The following GTF2F2 variants were observed in gnomAD, a reference collection of about 807,000 sequenced individuals.
The protein encoded by GTF2F2 is ATP-dependent helicase GTF2F2.
In GTF2F2, 23 loss-of-function variants were observed where a neutral mutation model predicts 42.2. The ratio of observed to expected loss-of-function variants is 0.55; its 90% CI spans 0.39 to 0.77. The LOEUF is 0.77. Ranked by LOEUF, GTF2F2 falls within the 30% of genes least tolerant of loss-of-function variation. The probability of loss-of-function intolerance (pLI) is 0.00; values close to 1 mark genes in which losing one functional copy is unlikely to be tolerated. For missense variants in GTF2F2, 261 were observed against 287.2 expected, an observed-to-expected ratio of 0.91 and a Z score of 0.66; for synonymous variants, 105 against 100.8, an observed-to-expected ratio of 1.04 and a Z score of -0.25.
At chr13:45,275,391 G>C (rs182884059) in intron 7 of GTF2F2, among the ~76,000 whole-genome samples, 1 of 151,794 alleles carries the variant, frequency 6.6e-6, no homozygotes, top group Non-Finnish European at 1.5e-5. Flanking sequence ...CCATGTTGTT[G>C]TGCTGCACCC....
At chr13:45,243,434 A>G (rs545124009) in intron 5 of GTF2F2, among the ~76,000 whole-genome samples, 2 of 152,164 alleles carry the variant, frequency 1.3e-5, no homozygotes, top group Non-Finnish European at 2.9e-5. Flanking sequence ...GAATCTAACT[A>G]ATGCCTGATG....
intron 5 of GTF2F2, among the ~76,000 whole-genome samples, chr13:45,244,164 G>T (rs1459379254): frequency 6.6e-6 from 1 of 152,256 alleles, no homozygotes; most frequent in South Asian, 2.1e-4. Flanking sequence ...TTCTGTGTGT[G>T]TATAGAATTG....
intron 6 of GTF2F2, among the ~76,000 whole-genome samples, chr13:45,259,180 A>G (rs1876227969): frequency 1.3e-5 from 2 of 152,156 alleles, no homozygotes; most frequent in African/African-American, 4.8e-5. Context: ...TAATCCCAGC[A>G]CTTTGGGAGG....
At chr13:45,215,934 G>A (rs942673418) in intron 5 of GTF2F2, among the ~76,000 whole-genome samples, 3 of 152,060 alleles carry the variant, frequency 2.0e-5, no homozygotes, top group Admixed American at 6.6e-5. Context: ...CTTCCAAATG[G>A]TTGTAAAAGC....
At chr13:45,250,688 G>A (rs558978159) in intron 5 of GTF2F2, among the ~76,000 whole-genome samples, 5 of 152,228 alleles carry the variant, frequency 3.3e-5, no homozygotes, top group African/African-American at 1.2e-4. Context: ...AAGGAGAACT[G>A]GAGAGATACG....
At chr13:45,140,666 T>C (rs1263782793) in intron 2 of GTF2F2, among the ~76,000 whole-genome samples, 2 of 152,226 alleles carry the variant, frequency 1.3e-5, no homozygotes, top group African/African-American at 4.8e-5. Flanking sequence ...AGAAAAATAA[T>C]ATTGAAATGT....
intron 2 of GTF2F2, among the ~76,000 whole-genome samples, chr13:45,139,905 A>G (rs1209433185): frequency 2.6e-5 from 4 of 152,216 alleles, no homozygotes; most frequent in African/African-American, 9.6e-5. Flanking sequence ...AAAATCTACC[A>G]TGCTCAAGTC....
In GTF2F2 at chr13:45,220,407, A is replaced by G. The variant is rs1462282661; in HGVS notation, c.386+12902A>G. Among the ~76,000 whole-genome samples, 10 of 152,324 alleles carry G rather than the reference A, an allele frequency of 6.6e-5. 1 individual carries two copies. The highest frequency in any genetic ancestry group is 2.2e-4 in the African/African-American group (9 of 41,578). On this transcript the variant is annotated intron_variant, in intron 5 of 7. Transcript: ENST00000340473. ...TTGATCATACTAATTTAATGTAACT[A>G]ATAATTTAGGGTATTATTTTATGCT...
At chr13:45,192,900 A>G (rs1014611546) in intron 4 of GTF2F2, 1 of 152,196 alleles carries the variant, frequency 6.6e-6, no homozygotes, top group African/African-American at 2.4e-5. Flanking sequence ...TACTCTATTG[A>G]GACTAAGTTA....
At position 45,207,495 on chromosome 13, in the gene GTF2F2, C is replaced by A; in HGVS notation, c.376C>A (p.Arg126=). Residue 126 remains arginine, a synonymous_variant, in exon 5 of 8, where the codon CGA becomes AGA. Transcript: ENST00000340473. ...CRPAASENYM[R]LKRLQIEESS... is the part of the protein sequence containing the mutation. ...ACCAGCTGCCAGTGAAAACTACATGCGATTAAAAAGGTTGGTGTTTTGTAA... is the reference window on the plus strand; with the variant it reads ...ACCAGCTGCCAGTGAAAACTACATGAGATTAAAAAGGTTGGTGTTTTGTAA... 6.2e-7 allele frequency: 1 copy of A among 1,602,728 alleles called. No homozygotes were observed. The highest frequency in any genetic ancestry group is 1.7e-5 in the Admixed American group (1 of 59,944).
At position 45,193,969 on chromosome 13, in the gene GTF2F2, A is replaced by G. The variant is rs769543508; in HGVS notation, c.305-13455A>G. ...AAGTCGAGTGCCATTTTCAGACTTT[A>G]TGAAGTATTTAAATTGGATGATATT... On this transcript the variant is annotated intron_variant, in intron 4 of 7. Coordinates refer to ENST00000340473, the MANE Select transcript of GTF2F2 (RefSeq NM_004128.3). 1.9e-6 allele frequency: 3 copies of G among 1,614,116 alleles called. No homozygotes were observed. The South Asian group carries it at 3.3e-5, about 18-fold the overall frequency.
chr13:45,169,744 A>T (rs1871499181), intron 4 of GTF2F2, among the ~76,000 whole-genome samples: 1 of 152,238 alleles, frequency 6.6e-6, no homozygotes, highest in South Asian at 2.1e-4. Flanking sequence ...TAACAAAAGA[A>T]CATCGTCAGC....
At chr13:45,194,006 A>G in intron 4 of GTF2F2, 1 of 1,614,096 alleles carries the variant, frequency 6.2e-7, no homozygotes, top group Non-Finnish European at 8.5e-7. Flanking sequence ...GACGATATTG[A>G]AAACTCCTCT....
chr13:45,134,583 G>A (rs138561813), intron 1 of GTF2F2, among the ~76,000 whole-genome samples: 3 of 152,252 alleles, frequency 2.0e-5, no homozygotes, highest in Non-Finnish European at 4.4e-5. Flanking sequence ...GACCGAATGG[G>A]TAGGTACAGT....
chr13:45,257,087 A>T (rs1876135013), intron 6 of GTF2F2, among the ~76,000 whole-genome samples: 1 of 152,210 alleles, frequency 6.6e-6, no homozygotes, highest in South Asian at 2.1e-4. Flanking sequence ...GTATATATGT[A>T]AAGAAAATAT....
chr13:45,245,744 C>T (rs1413175271), intron 5 of GTF2F2, among the ~76,000 whole-genome samples: 3 of 146,040 alleles, frequency 2.1e-5, no homozygotes, highest in Non-Finnish European at 4.5e-5. Flanking sequence ...TGTTTATCCA[C>T]TCTTTTTTGT....
At chr13:45,201,764 G>A (rs1873196579) in intron 4 of GTF2F2, among the ~76,000 whole-genome samples, 1 of 152,146 alleles carries the variant, frequency 6.6e-6, no homozygotes, top group Non-Finnish European at 1.5e-5. Context: ...AAAAAGGAGT[G>A]CGGGGGAGAA....
At chr13:45,256,144 T>A (rs1453612002) in intron 6 of GTF2F2, among the ~76,000 whole-genome samples, 1 of 152,194 alleles carries the variant, frequency 6.6e-6, no homozygotes, top group African/African-American at 2.4e-5. Flanking sequence ...TTTTCTTTTT[T>A]ATAAAATCTT....
intron 5 of GTF2F2, among the ~76,000 whole-genome samples, chr13:45,211,251 C>A (rs980823823): frequency 6.6e-6 from 1 of 151,976 alleles, no homozygotes; most frequent in Non-Finnish European, 1.5e-5. Context: ...GCAGAAAATA[C>A]ATAAAATTGT....
Sources: gnomAD v4.1 joint callset for allele counts (sites outside exome capture counted in the v4.1 genomes callset) on GRCh38, gnomAD v4.1.1 for gene constraint, MANE v1.5 for transcripts, NCBI Gene and HGNC (gene_info 2026-07-23, HGNC 2026-07-21) for gene names.